The following FBXO32 variants were observed in gnomAD, a reference collection of about 807,000 sequenced individuals.
FBXO32 encodes F-box protein 32, also known as F-box only protein 32.
A neutral mutation model predicts 48.3 loss-of-function variants in FBXO32; 15 were observed. The observed-to-expected ratio is 0.31, with a 90% CI of 0.21 to 0.48. FBXO32 has a LOEUF of 0.48. Ranked by LOEUF, FBXO32 falls within the 20% of genes least tolerant of loss-of-function variation. The pLI, the probability that FBXO32 is intolerant of heterozygous loss-of-function variation, is 0.99. For synonymous variants in FBXO32, 154 were observed against 165.9 expected (o/e 0.93, Z 0.55); for missense variants, 309 against 432.7 (o/e 0.71, Z 2.54).
At chr8:123,532,272 T>C in intron 3 of FBXO32, 2 of 943,216 alleles carry the variant, frequency 2.1e-6, no homozygotes, top group African/African-American at 1.7e-5. Context: ...TTTCCACATA[T>C]TAGTCTGGAA....
rs1225324967 is a variant in FBXO32 at position 123,503,311 on chromosome 8, C to T, written c.*62G>A. On this transcript the variant is annotated 3_prime_UTR_variant, in exon 9 of 9. Coordinates refer to ENST00000517956, the MANE Select transcript of FBXO32 (RefSeq NM_058229.4). ...TATTTACAAATGAAGTGTCCAAATG[C>T]CATATTCCCAGCTCTCCAGTCAGCA... 7.4e-6 allele frequency: 10 copies of T among 1,354,406 alleles called. No homozygotes were observed. Among genetic ancestry groups the T allele is most frequent in the Non-Finnish European group, 1.1e-5 (10 of 947,558 alleles). 83.9% of individuals were successfully genotyped at this position (1,354,406 alleles called of 1,614,324 possible).
chr8:123,516,503 A>G (rs921295350), intron 4 of FBXO32, among the ~76,000 whole-genome samples: 2 of 152,210 alleles, frequency 1.3e-5, no homozygotes, highest in African/African-American at 4.8e-5. Flanking sequence ...GGCTGAGGGA[A>G]GAAGCAAAAT....
Position 123,503,577 on chromosome 8 carries a change from C to A in FBXO32, c.979-115G>T, listed in dbSNP as rs895975781. The A allele has an allele frequency of 4.2e-6, 3 of 716,508 alleles. No homozygotes were observed. The Admixed American group carries it at 7.4e-5, about 18-fold the overall frequency. The allele number at this position is 716,508 out of a possible 1,614,324, so 44.4% of individuals were successfully genotyped here. On this transcript the variant is annotated intron_variant, in intron 8 of 8. Coordinates refer to ENST00000517956, the MANE Select transcript of FBXO32 (RefSeq NM_058229.4). Reference sequence around the variant, plus strand: ...AATTCTCTGTCAATAATGCCCCAGGCCTAAATGTTGCATGTTCTCACTCGT... The same window carrying A: ...AATTCTCTGTCAATAATGCCCCAGGACTAAATGTTGCATGTTCTCACTCGT...
intron 1 of FBXO32, among the ~76,000 whole-genome samples, chr8:123,537,392 C>T (rs151204908): frequency 2.6e-5 from 4 of 152,110 alleles, no homozygotes; most frequent in African/African-American, 9.6e-5. Flanking sequence ...CACTGCACAG[C>T]CCCACATTAC....
At chr8:123,510,105 T>C (rs1047825658) in intron 6 of FBXO32, among the ~76,000 whole-genome samples, 3 of 152,212 alleles carry the variant, frequency 2.0e-5, no homozygotes, top group African/African-American at 7.2e-5. Flanking sequence ...AATTAATACA[T>C]GCAAAGGACT....
chr8:123,512,219 C>T (rs1389880644), intron 6 of FBXO32, among the ~76,000 whole-genome samples: 1 of 152,184 alleles, frequency 6.6e-6, no homozygotes, highest in Non-Finnish European at 1.5e-5. Context: ...TCACATACCT[C>T]TGAGCCTTCG....
chr8:123,513,136 G>C lies in FBXO32; in HGVS notation c.651+62C>G. The C allele has an allele frequency of 4.5e-6, 7 of 1,541,838 alleles. No homozygotes were observed. The South Asian group carries it at 7.9e-5, about 18-fold the overall frequency. ...AGGAGTGAATTCAAAGTCTTGGCGAGTCTGTCCAGTATCCCTGTGGAGGGA... is the reference window on the plus strand; with the variant it reads ...AGGAGTGAATTCAAAGTCTTGGCGACTCTGTCCAGTATCCCTGTGGAGGGA... On this transcript the variant is annotated intron_variant, in intron 6 of 8. Coordinates refer to ENST00000517956, the MANE Select transcript of FBXO32 (RefSeq NM_058229.4). The surrounding 1 kb of genome is among the most constrained non-coding windows in gnomAD (Gnocchi z 4.3).
At chr8:123,523,884 G>A (rs1466215590) in intron 4 of FBXO32, among the ~76,000 whole-genome samples, 1 of 152,104 alleles carries the variant, frequency 6.6e-6, no homozygotes, top group Non-Finnish European at 1.5e-5. Context: ...GACAGTAACA[G>A]CAACAACCAT....
At chr8:123,536,107 A>G (rs1817305206) in intron 1 of FBXO32, among the ~76,000 whole-genome samples, 1 of 152,208 alleles carries the variant, frequency 6.6e-6, no homozygotes. Flanking sequence ...TACATGTGAC[A>G]TCTCCAACAA....
chr8:123,508,653 C>T (rs2130507390), intron 6 of FBXO32, among the ~76,000 whole-genome samples: 1 of 152,328 alleles, frequency 6.6e-6, no homozygotes, highest in South Asian at 2.1e-4. Context: ...TCTTTGCCAA[C>T]CGCAGAAGGC....
chr8:123,499,795 T>C lies in FBXO32; in HGVS notation c.*3578A>G, dbSNP rs1048879570. On this transcript the variant is annotated 3_prime_UTR_variant, in exon 9 of 9. Coordinates refer to ENST00000517956, the MANE Select transcript of FBXO32 (RefSeq NM_058229.4). ...AACAACAGAAACAGGAGGCTGTTAGTAGCAAGCTCCTCATGGGAAAGGGTA... is the reference window on the plus strand; with the variant it reads ...AACAACAGAAACAGGAGGCTGTTAGCAGCAAGCTCCTCATGGGAAAGGGTA... The C allele has an allele frequency of 1.3e-5, 2 of 152,198 alleles. No individual in the cohort carries two copies. Among genetic ancestry groups the C allele is most frequent in the Non-Finnish European group, 1.5e-5 (1 of 68,038 alleles). The allele number at this position is 152,198 out of a possible 1,614,324, so 9.4% of individuals were successfully genotyped here. A position where few individuals can be genotyped will look rare whatever the true frequency, so the allele number is the denominator to read the frequency against.
At chr8:123,518,603 A>G (rs1004880170) in intron 4 of FBXO32, among the ~76,000 whole-genome samples, 15 of 152,208 alleles carry the variant, frequency 9.9e-5, no homozygotes, top group African/African-American at 3.6e-4. Flanking sequence ...TTTGCTAACA[A>G]TAACAATAAC....
At position 123,531,901 on chromosome 8, in the gene FBXO32, G is replaced by C. The variant is rs75257646; in HGVS notation, c.369C>G (p.Val123=). The C allele has an allele frequency of 4.3e-6, 7 of 1,614,060 alleles. No homozygotes were observed. Among genetic ancestry groups the C allele is most frequent in the Non-Finnish European group, 5.9e-6 (7 of 1,179,996 alleles). ...ILDSRRFNYV[V]RLLELIAKSQ... ...CCTTTAGGCACTTGAGACTTACCCG[G>C]ACCACGTAGTTAAATCTTCTGGAAT... is the stretch of plus-strand genomic sequence containing the variant. The change falls in exon 4 of 9, where the codon GTC becomes GTG. Residue 123 remains valine (V), a synonymous_variant. Coordinates refer to ENST00000517956, the MANE Select transcript of FBXO32 (RefSeq NM_058229.4).
intron 7 of FBXO32, 49 bp from the exon 8 acceptor site, chr8:123,504,796 G>C: frequency 6.3e-7 from 1 of 1,583,602 alleles, no homozygotes; most frequent in Non-Finnish European, 8.6e-7. Context: ...TTGTCAAGAA[G>C]ATGGCTTGTG....
At position 123,513,444 on chromosome 8, in the gene FBXO32, A is replaced by C; in HGVS notation, c.467-62T>G. ...TACTGGAACACCCTGTATTTTACACATGAGCTTGTCTCTGTCTGTATTCCA... is the reference window on the plus strand; with the variant it reads ...TACTGGAACACCCTGTATTTTACACCTGAGCTTGTCTCTGTCTGTATTCCA... On this transcript the variant is annotated intron_variant, in intron 5 of 8. Coordinates refer to ENST00000517956, the MANE Select transcript of FBXO32 (RefSeq NM_058229.4). This position sits in a 1 kb window ranked among gnomAD's most constrained non-coding sequence, Gnocchi z 4.3. 2.2e-6 allele frequency: 3 copies of C among 1,380,630 alleles called. No homozygotes were observed. Among genetic ancestry groups the C allele is most frequent in the Non-Finnish European group, 3.0e-6 (3 of 995,396 alleles). 85.5% of individuals were successfully genotyped at this position (1,380,630 alleles called of 1,614,324 possible). A position where few individuals can be genotyped will look rare whatever the true frequency, so the allele number is the denominator to read the frequency against.
In FBXO32 at chr8:123,500,636, C is replaced by T. The variant is rs1232262372; in HGVS notation, c.*2737G>A. On this transcript the variant is annotated 3_prime_UTR_variant, in exon 9 of 9. Transcript: ENST00000517956. The stretch of plus-strand genomic sequence containing the variant: ...AGGCTCTGGCCATACTTAACAGATA[C>T]CACGTGGCACTAACACAGATATGTT... 6 of 152,214 alleles carry T rather than the reference C, an allele frequency of 3.9e-5. No homozygotes were observed. Among genetic ancestry groups the T allele is most frequent in the Admixed American group, 1.3e-4 (2 of 15,284 alleles). The allele number at this position is 152,214 out of a possible 1,614,324, so 9.4% of individuals were successfully genotyped here. A position where few individuals can be genotyped will look rare whatever the true frequency, so the allele number is the denominator to read the frequency against.
chr8:123,522,736 T>C (rs926574291), intron 4 of FBXO32, among the ~76,000 whole-genome samples: 1 of 152,198 alleles, frequency 6.6e-6, no homozygotes, highest in Non-Finnish European at 1.5e-5. Context: ...TTACATTGCT[T>C]GTCCCTGCAA....
In FBXO32 at chr8:123,513,282, C is replaced by G. The variant is rs1258702837; in HGVS notation, c.567G>C (p.Leu189=). Residue 189 remains leucine (L), a synonymous_variant, in exon 6 of 9, where the codon CTG becomes CTC. Transcript: ENST00000517956. This position sits in a 1 kb window ranked among gnomAD's most constrained non-coding sequence, Gnocchi z 4.3. ...TLVQRVGKSV[L]VGNINMWVYR... is the part of the protein sequence containing the mutation. ...ACACCCACATGTTAATGTTCCCGAC[C>G]AGCACAGACTTGCCGACTCTTTGGA... is the stretch of plus-strand genomic sequence containing the variant. The G allele has an allele frequency of 6.2e-7, 1 of 1,614,220 alleles. No homozygotes were observed. Among genetic ancestry groups the G allele is most frequent in the Admixed American group, 1.7e-5 (1 of 60,034 alleles).
intron 4 of FBXO32, among the ~76,000 whole-genome samples, chr8:123,520,648 C>T (rs1479979135): frequency 1.3e-5 from 2 of 152,164 alleles, no homozygotes; most frequent in Non-Finnish European, 2.9e-5. Context: ...AGAGATTTCC[C>T]TCTTATCTCA....
Sources: gnomAD v4.1 joint callset for allele counts (sites outside exome capture counted in the v4.1 genomes callset) on GRCh38, gnomAD v4.1.1 for gene constraint, Gnocchi (gnomAD v3.1) non-coding constraint, MANE v1.5 for transcripts, NCBI Gene and HGNC (gene_info 2026-07-23, HGNC 2026-07-21) for gene names.